The following HOMER1 variants were observed in gnomAD, a reference collection of about 807,000 sequenced individuals.
HOMER1 encodes the protein homer protein homolog 1.
HOMER1 carries 3 observed loss-of-function variants against 48.9 expected under a neutral mutation model. The ratio of observed to expected loss-of-function variants is 0.06; its 90% CI spans 0.03 to 0.16. The LOEUF (loss-of-function observed/expected upper bound fraction) is 0.16, where lower values mean the gene tolerates loss of function less well. Ranked by LOEUF, HOMER1 falls within the 10% of genes least tolerant of loss-of-function variation. HOMER1 has a pLI of 1.00. For synonymous variants in HOMER1, 134 were observed against 146.4 expected, an observed-to-expected ratio of 0.92 and a Z score of 0.61; for missense variants, 247 against 411.4, an observed-to-expected ratio of 0.60 and a Z score of 3.46.
rs1000435818 is a variant in HOMER1, at chr5:79,445,858, G to A, written c.387+1195C>T. Among the ~76,000 whole-genome samples, 7 of 152,174 alleles carry A rather than the reference G, an allele frequency of 4.6e-5. No individual in the cohort carries two copies. In the South Asian group the frequency reaches 1.2e-3, roughly 27 times the overall value. ...GAACCTGGGAGGCAGAGGTTGCAGC[G>A]ACCCGAGATTGTGCCACTGCACTCC... On this transcript the variant is annotated intron_variant, in intron 4 of 8. Transcript: ENST00000334082.
At chr5:79,483,101 A>G (rs1333423443) in intron 1 of HOMER1, among the ~76,000 whole-genome samples, 1 of 152,140 alleles carries the variant, frequency 6.6e-6, no homozygotes, top group African/African-American at 2.4e-5. Flanking sequence ...ACAAGCGCAA[A>G]AAAAAAATTA....
chr5:79,499,437 C>A (rs1055360320), intron 1 of HOMER1, among the ~76,000 whole-genome samples: 3 of 151,814 alleles, frequency 2.0e-5, no homozygotes, highest in Non-Finnish European at 2.9e-5. Context: ...TGGACTGCAC[C>A]AGTATACTTA....
At chr5:79,468,266 C>A (rs1580003607) in intron 1 of HOMER1, among the ~76,000 whole-genome samples, 1 of 152,110 alleles carries the variant, frequency 6.6e-6, no homozygotes. Flanking sequence ...ATGGAACAAC[C>A]TGGGTATGTG....
chr5:79,379,115 A>ATATATAAAATATATATATATATAT (rs1349080228), intron 8 of HOMER1, among the ~76,000 whole-genome samples: 1 of 55,622 alleles, frequency 1.8e-5, no homozygotes, highest in Non-Finnish European at 3.6e-5. Context: ...TATATATATA[A>ATATATAAAATATATATATATATAT]AATATATAAA....
chr5:79,429,336 C>T (rs920685576), intron 5 of HOMER1, among the ~76,000 whole-genome samples: 21 of 152,136 alleles, frequency 1.4e-4, no homozygotes, highest in African/African-American at 4.6e-4. Context: ...GACGGCCCCA[C>T]TGCACTCCAG....
At chr5:79,507,955 C>T (rs11948804) in intron 1 of HOMER1, among the ~76,000 whole-genome samples, 18,159 of 152,090 alleles carry the variant, frequency 0.12, 1,254 homozygotes, top group Admixed American at 0.2. Context: ...GAAAAAGCCC[C>T]GTTCAGCCAA....
At chr5:79,403,156 AG>A in intron 5 of HOMER1, among the ~76,000 whole-genome samples, 1 of 152,322 alleles carries the variant, frequency 6.6e-6, no homozygotes, top group African/African-American at 2.4e-5. Flanking sequence ...CTCATTAGAA[AG>A]AAAAAGGTTG....
At chr5:79,450,298 T>C (rs1179352740) in intron 3 of HOMER1, among the ~76,000 whole-genome samples, 2 of 152,210 alleles carry the variant, frequency 1.3e-5, no homozygotes, top group Admixed American at 6.5e-5. Flanking sequence ...TATACTGAGA[T>C]TGTTTTTTCT....
Position 79,466,274 on chromosome 5 carries a change from C to T in HOMER1, c.6-9256G>A, listed in dbSNP as rs188273894. ...CTCATACCTGTAATCCCAGCACTTT[C>T]GGAGGCTGAGACAGGCAGATTGCCT... On this transcript the variant is annotated intron_variant, in intron 1 of 8. Transcript: ENST00000334082. 5.3e-5 allele frequency among the ~76,000 whole-genome samples: 8 copies of T among 151,952 alleles called. No homozygotes were observed. The East Asian group carries it at 7.8e-4, about 15-fold the overall frequency.
chr5:79,487,603 A>G (rs926760309), intron 1 of HOMER1, among the ~76,000 whole-genome samples: 7 of 152,342 alleles, frequency 4.6e-5, no homozygotes, highest in African/African-American at 1.7e-4. Flanking sequence ...TTGGGTAAAT[A>G]AACAGCAAGA....
chr5:79,500,909 G>T (rs1015456089), intron 1 of HOMER1, among the ~76,000 whole-genome samples: 18 of 144,178 alleles, frequency 1.2e-4, no homozygotes, highest in Non-Finnish European at 2.4e-4. Context: ...ATAGGCGTGA[G>T]CCACTGCACC....
At chr5:79,448,131 A>C (rs952968510) in intron 3 of HOMER1, among the ~76,000 whole-genome samples, 24 of 152,132 alleles carry the variant, frequency 1.6e-4, no homozygotes, top group Non-Finnish European at 3.4e-4. Context: ...TCTTACCTTA[A>C]ACCTTGTCAC....
At chr5:79,489,854 C>T (rs766312870) in intron 1 of HOMER1, among the ~76,000 whole-genome samples, 25 of 152,014 alleles carry the variant, frequency 1.6e-4, no homozygotes, top group African/African-American at 4.4e-4. Flanking sequence ...TTAGGTGAAC[C>T]GAAATTTCAC....
At chr5:79,504,808 T>C (rs2112379985) in intron 1 of HOMER1, among the ~76,000 whole-genome samples, 1 of 152,364 alleles carries the variant, frequency 6.6e-6, no homozygotes, top group Non-Finnish European at 1.5e-5. Context: ...TATCCAACTA[T>C]CGGCCTAATT....
rs1424503806 is a variant in HOMER1, at chr5:79,374,726, G to A, written c.*1283C>T. Reference sequence around the variant, plus strand: ...CTTGGCTTACTTTTAAAATAGCTTCGTAAAAGAAATATATCATATAAAGAA... The same window carrying A: ...CTTGGCTTACTTTTAAAATAGCTTCATAAAAGAAATATATCATATAAAGAA... On this transcript the variant is annotated 3_prime_UTR_variant, in exon 9 of 9. Transcript: ENST00000334082. 2 of 151,964 alleles carry A rather than the reference G, an allele frequency of 1.3e-5. No homozygotes were observed. The highest frequency in any genetic ancestry group is 2.1e-4 in the South Asian group (1 of 4,828). 9.4% of individuals were successfully genotyped at this position (151,964 alleles called of 1,614,324 possible).
At chr5:79,397,756 T>C (rs559168933) in intron 6 of HOMER1, 119 bp from the exon 7 acceptor site, 23 of 521,950 alleles carry the variant, frequency 4.4e-5, no homozygotes, top group Middle Eastern at 5.0e-4. Context: ...AAATTAATTT[T>C]GAGAAATATT....
At chr5:79,402,338 T>C (rs556846157) in intron 5 of HOMER1, among the ~76,000 whole-genome samples, 1 of 152,154 alleles carries the variant, frequency 6.6e-6, no homozygotes, top group East Asian at 1.9e-4. Flanking sequence ...GTTAATTTTT[T>C]TGTATTTTTT....
chr5:79,442,404 CAAAAAAT>C (rs1750758865), intron 4 of HOMER1, among the ~76,000 whole-genome samples: 1 of 152,000 alleles, frequency 6.6e-6, no homozygotes, highest in Non-Finnish European at 1.5e-5. Flanking sequence ...CTATGAAAGC[CAAAAAAT>C]GAGAAATATT....
At chr5:79,458,753 T>C (rs1255732681) in intron 1 of HOMER1, among the ~76,000 whole-genome samples, 1 of 152,308 alleles carries the variant, frequency 6.6e-6, no homozygotes, top group Admixed American at 6.5e-5. Flanking sequence ...ACTTCTTGTT[T>C]AACTGCCACT....
Sources: gnomAD v4.1 joint callset for allele counts (sites outside exome capture counted in the v4.1 genomes callset) on GRCh38, gnomAD v4.1.1 for gene constraint, MANE v1.5 for transcripts, NCBI Gene and HGNC (gene_info 2026-07-23, HGNC 2026-07-21) for gene names.